FAM53B: variants seen among roughly 807,000 people sequenced by gnomAD.
FAM53B encodes the protein protein FAM53B.
Under a neutral mutation model 32.7 loss-of-function variants are expected in FAM53B, and 12 were observed. The observed-to-expected ratio is 0.37, with a 90% confidence interval of 0.24 to 0.59. The LOEUF is 0.59. Among genes scored for constraint, FAM53B ranks in the 20% least tolerant of loss-of-function variants. The pLI is 0.72. For missense variants in FAM53B, 477 were observed against 577.7 expected (o/e 0.83, Z 1.79); for synonymous variants, 234 against 228.7 (o/e 1.02, Z -0.21).
chr10:124,682,672 G>A lies in FAM53B; in HGVS notation c.134-293C>T, dbSNP rs573659377. Among the ~76,000 whole-genome samples the A allele has an allele frequency of 2.6e-4, 40 of 152,352 alleles. No homozygotes were observed. Among genetic ancestry groups the A allele is most frequent in the South Asian group, 8.3e-4 (4 of 4,828 alleles). On this transcript the variant is annotated intron_variant, in intron 3 of 4. Coordinates refer to ENST00000337318, the MANE Select transcript of FAM53B (RefSeq NM_014661.4). This position sits in a 1 kb window ranked among gnomAD's most constrained non-coding sequence, Gnocchi z 5.2. ...CAGTGTACCACACTGCCTCCCAGGA[G>A]AATCCAAAGCAATATTTTTCATCCA...
intron 3 of FAM53B, among the ~76,000 whole-genome samples, chr10:124,692,564 A>G (rs546547322): frequency 9.0e-4 from 137 of 151,784 alleles, no homozygotes; most frequent in African/African-American, 3.2e-3. Context: ...AAAATACAAA[A>G]ATTAGCCGGG....
At chr10:124,680,979 C>T (rs1949766812) in intron 4 of FAM53B, among the ~76,000 whole-genome samples, 1 of 152,200 alleles carries the variant, frequency 6.6e-6, no homozygotes. Context: ...AGTGTTAGCA[C>T]AAGGCAGAGC....
At chr10:124,729,369 C>G (rs1950126910) in intron 1 of FAM53B, among the ~76,000 whole-genome samples, 1 of 152,216 alleles carries the variant, frequency 6.6e-6, no homozygotes, top group Non-Finnish European at 1.5e-5. Context: ...CCTTTCAAGG[C>G]TATTCTTTTC....
chr10:124,725,307 G>A (rs1950094720), intron 1 of FAM53B, among the ~76,000 whole-genome samples: 1 of 152,194 alleles, frequency 6.6e-6, no homozygotes, highest in South Asian at 2.1e-4. Flanking sequence ...TCCCCAGATG[G>A]GTCCCAGGGT....
chr10:124,722,713 GTATA>G (rs537245669), intron 1 of FAM53B, among the ~76,000 whole-genome samples: 1 of 152,192 alleles, frequency 6.6e-6, no homozygotes, highest in Non-Finnish European at 1.5e-5. Flanking sequence ...ATTTGTGTGT[GTATA>G]TATCTGCATA....
At position 124,624,290 on chromosome 10, in the gene FAM53B, T is replaced by C. The variant is rs192769887; in HGVS notation, c.907-686A>G. Among the ~76,000 whole-genome samples, 15 of 152,312 alleles carry C rather than the reference T, an allele frequency of 9.8e-5. No homozygotes were observed. In the East Asian group the frequency reaches 2.5e-3, roughly 26 times the overall value. ...AGGGGCCGAGCTGAAGTCCTGAGCCTGGTGTGTAACAGAGCCATGCAGGGA... is the reference window on the plus strand; with the variant it reads ...AGGGGCCGAGCTGAAGTCCTGAGCCCGGTGTGTAACAGAGCCATGCAGGGA... On this transcript the variant is annotated intron_variant, in intron 4 of 4. Transcript: ENST00000337318.
At chr10:124,739,035 CCAAAAAACAAAAAAAAAAAAA>C (rs918569373) in intron 1 of FAM53B, among the ~76,000 whole-genome samples, 13 of 148,836 alleles carry the variant, frequency 8.7e-5, no homozygotes, top group African/African-American at 2.7e-4. Flanking sequence ...TCCAATCACT[CCAAAAAACAAAAAAAAAAAAA>C]CAAAAAACAA....
At chr10:124,644,138 G>T (rs529872596) in intron 4 of FAM53B, among the ~76,000 whole-genome samples, 3 of 152,316 alleles carry the variant, frequency 2.0e-5, no homozygotes, top group East Asian at 1.9e-4. Flanking sequence ...ATAGTTGGGG[G>T]AAGAGGGTAC....
chr10:124,722,041 G>C (rs4962689), intron 1 of FAM53B, among the ~76,000 whole-genome samples: 50,858 of 152,134 alleles, frequency 0.33, 8,795 homozygotes, highest in Admixed American at 0.41. Context: ...GAAGGGTAGG[G>C]GGAAGGCGGG....
chr10:124,677,745 C>G (rs2134066350), intron 4 of FAM53B, among the ~76,000 whole-genome samples: 1 of 152,346 alleles, frequency 6.6e-6, no homozygotes, highest in East Asian at 1.9e-4. Context: ...TGTGTCTCAT[C>G]CCCGACAGAC....
chr10:124,710,752 C>G (rs763644159), intron 1 of FAM53B, among the ~76,000 whole-genome samples: 11 of 152,222 alleles, frequency 7.2e-5, no homozygotes, highest in Non-Finnish European at 1.6e-4. Flanking sequence ...CTACTAGGTA[C>G]CAGGCGCTTT....
chr10:124,701,179 C>T (rs187363196), intron 2 of FAM53B, among the ~76,000 whole-genome samples: 26 of 152,352 alleles, frequency 1.7e-4, no homozygotes, highest in African/African-American at 6.0e-4. Context: ...GCCAGAGATC[C>T]TGGCTGGGGC....
At chr10:124,700,357 G>A (rs1022268362) in intron 2 of FAM53B, among the ~76,000 whole-genome samples, 1 of 152,134 alleles carries the variant, frequency 6.6e-6, no homozygotes, top group Non-Finnish European at 1.5e-5. Flanking sequence ...AGCCAATCAC[G>A]GTGTGGAGGC....
At chr10:124,706,243 A>C (rs1949957003) in intron 2 of FAM53B, among the ~76,000 whole-genome samples, 1 of 152,082 alleles carries the variant, frequency 6.6e-6, no homozygotes, top group Admixed American at 6.6e-5. Flanking sequence ...CTGAGGCAGC[A>C]CCACCCTTCA....
chr10:124,627,856 G>T (rs901399971), intron 4 of FAM53B, among the ~76,000 whole-genome samples: 4 of 152,214 alleles, frequency 2.6e-5, no homozygotes, highest in Non-Finnish European at 2.9e-5. Flanking sequence ...CCCCTCTTCT[G>T]CAGGGCTGTT....
chr10:124,652,184 G>A (rs1291647069), intron 4 of FAM53B, among the ~76,000 whole-genome samples: 1 of 152,218 alleles, frequency 6.6e-6, no homozygotes, highest in Non-Finnish European at 1.5e-5. Flanking sequence ...CAATGGTTAT[G>A]AAAACCCGCA....
intron 1 of FAM53B, among the ~76,000 whole-genome samples, chr10:124,715,361 C>A (rs1031764831): frequency 1.8e-4 from 27 of 152,142 alleles, no homozygotes; most frequent in Non-Finnish European, 1.6e-4. Flanking sequence ...TGGTGGGTAA[C>A]CTGCAGAGGG....
At chr10:124,722,557 C>T (rs1950075873) in intron 1 of FAM53B, among the ~76,000 whole-genome samples, 1 of 151,968 alleles carries the variant, frequency 6.6e-6, no homozygotes, top group African/African-American at 2.4e-5. Context: ...AATGGGTAGC[C>T]GGGAACAGAG....
chr10:124,699,161 T>C (rs1487182056), intron 2 of FAM53B, among the ~76,000 whole-genome samples: 1 of 152,238 alleles, frequency 6.6e-6, no homozygotes, highest in Non-Finnish European at 1.5e-5. Flanking sequence ...AGAACATCTG[T>C]TCCTGTACTG....
Sources: allele counts gnomAD v4.1 joint callset (sites outside exome capture counted in the v4.1 genomes callset), GRCh38; gene constraint gnomAD v4.1.1; non-coding constraint Gnocchi (gnomAD v3.1); transcripts MANE v1.5; gene names NCBI Gene and HGNC (gene_info 2026-07-23, HGNC 2026-07-21).